PDSS2: variants seen among roughly 807,000 people sequenced by gnomAD.
PDSS2 encodes the protein decaprenyl diphosphate synthase subunit 2.
PDSS2 carries 31 observed loss-of-function variants against 44.5 expected under a neutral mutation model. The observed-to-expected ratio is 0.70, with a 90% confidence interval of 0.52 to 0.94. PDSS2 has a LOEUF of 0.94. Among genes scored for constraint, PDSS2 ranks in the 40% least tolerant of loss-of-function variants. The probability of loss-of-function intolerance (pLI) is 0.00; values close to 1 mark genes in which losing one functional copy is unlikely to be tolerated. For missense variants in PDSS2, 452 were observed against 482.2 expected (o/e 0.94, Z 0.59); for synonymous variants, 157 against 180.3 (o/e 0.87, Z 1.03).
rs189933881 is a variant in PDSS2, at chr6:107,189,032, C to T, written c.1041+4790G>A. ...GTCAGGTGATCCTCTACCTCAGGCT[C>T]CTGAGTAGCCAGGACTATAGGTGTG... On this transcript the variant is annotated intron_variant, in intron 7 of 7. Transcript: ENST00000369037. Among the ~76,000 whole-genome samples the T allele has an allele frequency of 1.7e-4, 26 of 152,254 alleles. No individual in the cohort carries two copies. The East Asian group carries it at 3.9e-3, about 23-fold the overall frequency.
intron 1 of PDSS2, among the ~76,000 whole-genome samples, chr6:107,403,514 G>A (rs1780212341): frequency 6.6e-6 from 1 of 152,204 alleles, no homozygotes; most frequent in Non-Finnish European, 1.5e-5. Context: ...ACTTTGGGTG[G>A]TGGCTCTGAC....
chr6:107,266,386 A>AT (rs61087986), intron 3 of PDSS2, among the ~76,000 whole-genome samples: 30,378 of 143,102 alleles, frequency 0.21, 3,501 homozygotes, highest in African/African-American at 0.3. Flanking sequence ...CCCCTGAGGC[A>AT]TTTTTTTTTT....
chr6:107,173,640 A>G (rs1771687938), intron 7 of PDSS2, among the ~76,000 whole-genome samples: 1 of 150,428 alleles, frequency 6.6e-6, no homozygotes, highest in South Asian at 2.1e-4. Context: ...TGCTACCAGA[A>G]CTTAATGCTT....
At chr6:107,165,030 A>C (rs1173242635) in intron 7 of PDSS2, among the ~76,000 whole-genome samples, 1 of 152,140 alleles carries the variant, frequency 6.6e-6, no homozygotes, top group African/African-American at 2.4e-5. Context: ...TTTCTTGTAA[A>C]TTTGTTTGAG....
At chr6:107,197,226 G>A (rs1242517653) in intron 6 of PDSS2, among the ~76,000 whole-genome samples, 5 of 145,642 alleles carry the variant, frequency 3.4e-5, no homozygotes, top group African/African-American at 1.3e-4. Context: ...AGGTAACCTG[G>A]AGCTTGTGAC....
chr6:107,155,585 T>TC (rs1189910600), intron 7 of PDSS2, among the ~76,000 whole-genome samples: 1 of 151,208 alleles, frequency 6.6e-6, no homozygotes, highest in Non-Finnish European at 1.5e-5. Context: ...ATGTTACTTT[T>TC]TTTTTTTTTT....
At chr6:107,289,093 C>A (rs2115012417) in intron 2 of PDSS2, among the ~76,000 whole-genome samples, 1 of 150,446 alleles carries the variant, frequency 6.6e-6, no homozygotes, top group South Asian at 2.1e-4. Flanking sequence ...GAAATGGAGG[C>A]CGGGCGTGGT....
intron 2 of PDSS2, among the ~76,000 whole-genome samples, chr6:107,276,479 C>T (rs1410135863): frequency 2.0e-5 from 3 of 152,130 alleles, no homozygotes; most frequent in Non-Finnish European, 4.4e-5. Context: ...AGGGGCTGCA[C>T]CCATGGAGCC....
At chr6:107,177,601 C>T (rs1771838927) in intron 7 of PDSS2, among the ~76,000 whole-genome samples, 1 of 152,158 alleles carries the variant, frequency 6.6e-6, no homozygotes, top group Non-Finnish European at 1.5e-5. Context: ...TATAAATAAT[C>T]ATGGATTTAT....
intron 1 of PDSS2, among the ~76,000 whole-genome samples, chr6:107,427,668 C>T (rs1781048524): frequency 6.6e-6 from 1 of 152,154 alleles, no homozygotes; most frequent in Non-Finnish European, 1.5e-5. Context: ...AAAATGAGAA[C>T]TCTCCCTATT....
chr6:107,293,203 T>C (rs1776402233), intron 2 of PDSS2, among the ~76,000 whole-genome samples: 1 of 152,170 alleles, frequency 6.6e-6, no homozygotes. Flanking sequence ...TAAAGCTGCC[T>C]CTAACTCAAG....
chr6:107,360,928 T>C, intron 1 of PDSS2, among the ~76,000 whole-genome samples: 1 of 152,220 alleles, frequency 6.6e-6, no homozygotes, highest in East Asian at 1.9e-4. Flanking sequence ...TACATGAAAA[T>C]TTAATTGCAA....
At chr6:107,218,833 G>A (rs941982743) in intron 4 of PDSS2, among the ~76,000 whole-genome samples, 3 of 152,120 alleles carry the variant, frequency 2.0e-5, no homozygotes, top group Non-Finnish European at 2.9e-5. Context: ...CAAGGCGGCC[G>A]GATCACCTGA....
chr6:107,296,026 G>A (rs1776497364), intron 2 of PDSS2, among the ~76,000 whole-genome samples: 1 of 152,198 alleles, frequency 6.6e-6, no homozygotes, highest in South Asian at 2.1e-4. Flanking sequence ...TCATTTCTAA[G>A]CAAAGCTGGG....
chr6:107,398,019 T>C (rs1325018795), intron 1 of PDSS2, among the ~76,000 whole-genome samples: 1 of 152,200 alleles, frequency 6.6e-6, no homozygotes, highest in Non-Finnish European at 1.5e-5. Flanking sequence ...CACATTTTAA[T>C]GTAATAAAGT....
At chr6:107,232,089 C>T (rs945018331) in intron 4 of PDSS2, among the ~76,000 whole-genome samples, 3 of 152,106 alleles carry the variant, frequency 2.0e-5, no homozygotes, top group East Asian at 1.9e-4. Context: ...GTTGCTAGCA[C>T]GTAATAGGTA....
At chr6:107,447,014 C>T (rs1332365873) in intron 1 of PDSS2, among the ~76,000 whole-genome samples, 4 of 152,024 alleles carry the variant, frequency 2.6e-5, no homozygotes, top group African/African-American at 4.8e-5. Context: ...TGACACAAGG[C>T]AAGTCCCTTC....
intron 6 of PDSS2, among the ~76,000 whole-genome samples, chr6:107,202,304 G>T (rs777021656): frequency 1.3e-5 from 2 of 152,010 alleles, no homozygotes; most frequent in Admixed American, 1.3e-4. Flanking sequence ...CTCCCAAAGT[G>T]CTGGGATTAC....
At chr6:107,239,938 G>A (rs919348626) in intron 4 of PDSS2, among the ~76,000 whole-genome samples, 1 of 151,886 alleles carries the variant, frequency 6.6e-6, no homozygotes, top group Non-Finnish European at 1.5e-5. Context: ...CACCGTGCCT[G>A]GCCTATTTTT....
Sources: allele counts gnomAD v4.1 joint callset (sites outside exome capture counted in the v4.1 genomes callset), GRCh38; gene constraint gnomAD v4.1.1; transcripts MANE v1.5; gene names NCBI Gene and HGNC (gene_info 2026-07-23, HGNC 2026-07-21).